AFAP1L1: variants seen among roughly 807,000 people sequenced by gnomAD.
AFAP1L1 encodes the protein actin filament-associated protein 1-like 1.
A neutral mutation model predicts 99.8 loss-of-function variants in AFAP1L1; 77 were observed. The ratio of observed to expected loss-of-function variants is 0.77; its 90% CI spans 0.64 to 0.93. The LOEUF is 0.93. Ranked by LOEUF, AFAP1L1 falls within the 40% of genes least tolerant of loss-of-function variation. The pLI is 0.00. For synonymous variants in AFAP1L1, 373 were observed against 395.3 expected, an observed-to-expected ratio of 0.94 and a Z score of 0.67; for missense variants, 893 against 996.8, an observed-to-expected ratio of 0.90 and a Z score of 1.40.
At chr5:149,288,794 G>A (rs1247108038) in intron 1 of AFAP1L1, among the ~76,000 whole-genome samples, 1 of 152,160 alleles carries the variant, frequency 6.6e-6, no homozygotes, top group Non-Finnish European at 1.5e-5. Context: ...TGGCTTCCCT[G>A]GAGGCCCAGA....
rs762653632 is a variant in AFAP1L1 at position 149,302,481 on chromosome 5, CT to C, written c.393del (p.Pro132LeufsTer40). ...CCCTGAGGACTACTATGAAGAGGCC[CT>C]TCCTCTGGGACCCGGCAAGTCGCCT... ...PPPEDYYEEA[L>X]PLGPGKSPEY... On this transcript the variant is annotated frameshift_variant, in exon 5 of 19. Transcript: ENST00000296721. LOFTEE classifies it high-confidence loss of function. 2 of 1,596,724 alleles carry C rather than the reference CT, an allele frequency of 1.3e-6. No individual in the cohort carries two copies. Among genetic ancestry groups the C allele is most frequent in the Non-Finnish European group, 1.7e-6 (2 of 1,171,700 alleles).
chr5:149,304,075 A>G (rs540594237), intron 5 of AFAP1L1, among the ~76,000 whole-genome samples: 8 of 152,288 alleles, frequency 5.3e-5, no homozygotes, highest in African/African-American at 1.9e-4. Context: ...CTTTCTGTCC[A>G]TATGGATTTG....
chr5:149,305,155 C>T (rs767853769), intron 5 of AFAP1L1, among the ~76,000 whole-genome samples: 6 of 152,298 alleles, frequency 3.9e-5, no homozygotes, highest in Admixed American at 6.5e-5. Flanking sequence ...GTGTGCCAGG[C>T]GCTGTCCTAA....
At chr5:149,294,813 C>G (rs1196032465) in intron 1 of AFAP1L1, among the ~76,000 whole-genome samples, 1 of 22,074 alleles carries the variant, frequency 4.5e-5, no homozygotes, top group Non-Finnish European at 1.3e-4. Flanking sequence ...CATCTGCCCA[C>G]CTCCCCCCAG....
rs1392352894 is a variant in AFAP1L1, at chr5:149,329,680, A to C, written c.1825A>C (p.Lys609Gln). Residue 609 changes from lysine to glutamine, a missense_variant, in exon 16 of 19, where the codon AAG (lysine) becomes CAG (glutamine). Physicochemically the swap from Lys to Gln is moderately conservative, Grantham distance 53 (BLOSUM62 1). Transcript: ENST00000296721. ...TATCTCTGCAGGTGCCAATCAATACAAGTATGGCAAGAACCGAGCCGAGGA... is the reference window on the plus strand; with the variant it reads ...TATCTCTGCAGGTGCCAATCAATACCAGTATGGCAAGAACCGAGCCGAGGA... ...KRHASSANQYKYGKNRAEEDA... is the reference protein window; with the variant it reads ...KRHASSANQYQYGKNRAEEDA... The C allele has an allele frequency of 6.2e-7, 1 of 1,613,600 alleles. No individual in the cohort carries two copies. Among genetic ancestry groups the C allele is most frequent in the Non-Finnish European group, 8.5e-7 (1 of 1,179,818 alleles).
chr5:149,322,771 T>C, intron 15 of AFAP1L1, 54 bp downstream of exon 15: 18 of 1,412,962 alleles, frequency 1.3e-5, no homozygotes, highest in Non-Finnish European at 1.6e-5. Context: ...AAGGAAGCAG[T>C]CTATAGGAGG....
At chr5:149,280,115 A>G (rs1016060378) in intron 1 of AFAP1L1, among the ~76,000 whole-genome samples, 3 of 152,212 alleles carry the variant, frequency 2.0e-5, no homozygotes, top group African/African-American at 7.2e-5. Flanking sequence ...GAGGAGTTGG[A>G]TATGGCCACT....
At chr5:149,301,309 T>A in intron 4 of AFAP1L1, 79 bp downstream of exon 4, 1 of 1,385,144 alleles carries the variant, frequency 7.2e-7, no homozygotes, top group Non-Finnish European at 1.0e-6. Context: ...CCCTTCCCAC[T>A]GGGTGCTCTC....
chr5:149,310,275 C>T (rs1488208678), intron 8 of AFAP1L1, 140 bp downstream of exon 8: 10 of 1,058,652 alleles, frequency 9.4e-6, no homozygotes, highest in East Asian at 2.8e-5. Context: ...GTGGCTAGGG[C>T]TTATGTATGG....
rs543873638 is a variant in AFAP1L1 at position 149,331,004 on chromosome 5, T to C, written c.1975+1174T>C. On this transcript the variant is annotated intron_variant, in intron 16 of 18. Coordinates refer to ENST00000296721, the MANE Select transcript of AFAP1L1 (RefSeq NM_152406.4). The stretch of plus-strand genomic sequence containing the variant: ...CATTAAATACATGGTGAATGGTGAA[T>C]ATAAAGAGTTCAACATTACTGGAAA... Among the ~76,000 whole-genome samples, 7 of 152,216 alleles carry C rather than the reference T, an allele frequency of 4.6e-5. No individual in the cohort carries two copies. In the South Asian group the frequency reaches 1.0e-3, roughly 23 times the overall value.
At position 149,287,752 on chromosome 5, in the gene AFAP1L1, G is replaced by GTT. The variant is rs57835099; in HGVS notation, c.17-11742_17-11741dup. On this transcript the variant is annotated intron_variant, in intron 1 of 18. Transcript: ENST00000296721. ...CATGAGGGTTTTTTGTTTTTTTGGT[G>GTT]TTTTTTTTTTTTTTTTGTATTTTTA... 4.8e-3 allele frequency among the ~76,000 whole-genome samples: 623 copies of GTT among 130,268 alleles called. 2 individuals carry two copies. Among genetic ancestry groups the GTT allele is most frequent in the Non-Finnish European group, 6.0e-3 (359 of 59,450 alleles). The allele number at this position is 130,268 out of a possible 152,430, so 85.5% of individuals were successfully genotyped here. A position where few individuals can be genotyped will look rare whatever the true frequency, so the allele number is the denominator to read the frequency against.
Position 149,319,650 on chromosome 5 carries a change from T to G in AFAP1L1, c.1548T>G (p.Thr516=). ...LLLVEMGSRV[T]PEALHYDYVD... ...TGGTGGAGATGGGCTCCAGAGTCAC[T>G]CCGGAGGCGCTGCACTATGACTACG... The change falls in exon 13 of 19, where the codon ACT becomes ACG. Residue 516 remains threonine (T), a synonymous_variant. Transcript: ENST00000296721. 1 of 1,612,962 alleles carries G rather than the reference T, an allele frequency of 6.2e-7. No homozygotes were observed. The highest frequency in any genetic ancestry group is 1.1e-5 in the South Asian group (1 of 91,020).
rs1756901746 is a variant in AFAP1L1, at chr5:149,319,786, CAG to C, written c.1625+62_1625+63del. On this transcript the variant is annotated intron_variant, in intron 13 of 18. Coordinates refer to ENST00000296721, the MANE Select transcript of AFAP1L1 (RefSeq NM_152406.4). ...GGACCTTTCCTGTCTCCATCCCTCTCAGAGGCTGAGTCCAGCCCTGGGCACTG... is the reference window on the plus strand; with the variant it reads ...GGACCTTTCCTGTCTCCATCCCTCTCAGGCTGAGTCCAGCCCTGGGCACTG... 3.1e-6 allele frequency: 5 copies of C among 1,589,440 alleles called. No homozygotes were observed. The East Asian group carries it at 9.1e-5, about 29-fold the overall frequency.
At chr5:149,311,879 A>G (rs1281801980) in intron 8 of AFAP1L1, among the ~76,000 whole-genome samples, 1 of 152,210 alleles carries the variant, frequency 6.6e-6, no homozygotes, top group Non-Finnish European at 1.5e-5. Context: ...ACTAATTAGC[A>G]ATAAGCCTCT....
rs143176495 is a variant in AFAP1L1, at chr5:149,322,270, G to A, written c.1699-336G>A. On this transcript the variant is annotated intron_variant, in intron 14 of 18. Transcript: ENST00000296721. ...ACTGTTTTCTTTTTGAGGCAATTCA[G>A]AAAATCAGGATACTTCCAAATGTTC... 8.6e-3 allele frequency among the ~76,000 whole-genome samples: 1,304 copies of A among 152,176 alleles called. 19 individuals are homozygous for A. The highest frequency in any genetic ancestry group is 0.03 in the African/African-American group (1,237 of 41,520).
chr5:149,323,304 C>T (rs574399615), intron 15 of AFAP1L1, among the ~76,000 whole-genome samples: 1 of 152,310 alleles, frequency 6.6e-6, no homozygotes, highest in Non-Finnish European at 1.5e-5. Flanking sequence ...ACCTTGGTGT[C>T]CCACCCTAGC....
rs1347432702 is a variant in AFAP1L1 at position 149,343,634 on chromosome 5, A to G, written c.*3604A>G. Among the ~76,000 whole-genome samples, 3 of 152,198 alleles carry G rather than the reference A, an allele frequency of 2.0e-5. No homozygotes were observed. Among genetic ancestry groups the G allele is most frequent in the African/African-American group, 7.2e-5 (3 of 41,460 alleles). On this transcript the variant is annotated 3_prime_UTR_variant, in exon 19 of 19. Coordinates refer to ENST00000296721, the MANE Select transcript of AFAP1L1 (RefSeq NM_152406.4). Reference sequence around the variant, plus strand: ...AAAAGAAATAAAATACTAAGAAACTAAAAGGGTGCTGGACACAGTTACTTT... The same window carrying G: ...AAAAGAAATAAAATACTAAGAAACTGAAAGGGTGCTGGACACAGTTACTTT...
rs1478553298 is a variant in AFAP1L1 at position 149,307,482 on chromosome 5, C to T, written c.616C>T (p.His206Tyr). ...EEEGKSPQPR[H>Y]QWPSEEASMH... is the part of the protein sequence containing the mutation. ...GGAAGGGAAGAGCCCGCAGCCCCGA[C>T]ACCAGTGGCCCTCAGAGGAGGCCTC... The change falls in exon 7 of 19, where the codon CAC becomes TAC. Residue 206 changes from histidine (H) to tyrosine (Y), a missense_variant. Coordinates refer to ENST00000296721, the MANE Select transcript of AFAP1L1 (RefSeq NM_152406.4). The T allele has an allele frequency of 1.9e-6, 3 of 1,614,178 alleles. No individual in the cohort carries two copies. The highest frequency in any genetic ancestry group is 4.5e-5 in the East Asian group (2 of 44,868).
At chr5:149,291,419 C>T (rs1237204079) in intron 1 of AFAP1L1, among the ~76,000 whole-genome samples, 2 of 147,184 alleles carry the variant, frequency 1.4e-5, no homozygotes, top group South Asian at 2.2e-4. Flanking sequence ...CCCAGCTACT[C>T]GGAGGCTGAG....
Sources: allele counts gnomAD v4.1 joint callset (sites outside exome capture counted in the v4.1 genomes callset), GRCh38; gene constraint gnomAD v4.1.1; transcripts MANE v1.5; gene names NCBI Gene and HGNC (gene_info 2026-07-23, HGNC 2026-07-21).